NUP107: variants seen among roughly 807,000 people sequenced by gnomAD.
The protein encoded by NUP107 is nucleoporin 107, also known as nuclear pore complex protein Nup107.
A neutral mutation model predicts 141.0 loss-of-function variants in NUP107; 101 were observed. That is an observed-to-expected ratio of 0.72 (90% confidence interval 0.61 to 0.84). The LOEUF (loss-of-function observed/expected upper bound fraction) is 0.84. Ranked by LOEUF, NUP107 falls within the 40% of genes least tolerant of loss-of-function variation. The pLI is 0.00. For synonymous variants in NUP107, 319 were observed against 363.9 expected (o/e 0.88, Z 1.41); for missense variants, 941 against 1,102.7 (o/e 0.85, Z 2.08).
chr12:68,733,502 G>T lies in NUP107; in HGVS notation c.2152G>T (p.Asp718Tyr). The change falls in exon 24 of 28, where the codon GAT becomes TAT. Residue 718 changes from aspartate (D) to tyrosine (Y), a missense_variant. Physicochemically the swap from Asp to Tyr is radical, Grantham distance 160 (BLOSUM62 -3). Coordinates refer to ENST00000229179, the MANE Select transcript of NUP107 (RefSeq NM_020401.4). ...AGAAGTATTTGTGAAAATTCCTCAG[G>T]ATTCTATAGCAGAAATCTATAATCA... The part of the protein sequence containing the change: ...AKEVFVKIPQ[D>Y]SIAEIYNQCE... 1 of 1,611,546 alleles carries T rather than the reference G, an allele frequency of 6.2e-7. No individual in the cohort carries two copies. The highest frequency in any genetic ancestry group is 1.1e-5 in the South Asian group (1 of 90,266).
rs747362346 is a variant in NUP107 at position 68,700,728 on chromosome 12, G to C, written c.555G>C (p.Val185=). The change falls in exon 7 of 28, where the codon GTG becomes GTC. Residue 185 remains valine (V), a splice_region_variant and synonymous_variant. Coordinates refer to ENST00000229179, the MANE Select transcript of NUP107 (RefSeq NM_020401.4). ...EEYENICGSQ[V]NILSKIVSRA... Reference sequence around the variant, plus strand: ...TTACATCTGTGTTTTTTATTCAGGTGAATATACTGAGTAAAATAGTGAGTC... The same window carrying C: ...TTACATCTGTGTTTTTTATTCAGGTCAATATACTGAGTAAAATAGTGAGTC... 3.8e-6 allele frequency: 6 copies of C among 1,596,748 alleles called. No individual in the cohort carries two copies. The highest frequency in any genetic ancestry group is 5.1e-6 in the Non-Finnish European group (6 of 1,175,038).
At chr12:68,693,327 T>G (rs1226530740) in intron 5 of NUP107, among the ~76,000 whole-genome samples, 1 of 152,154 alleles carries the variant, frequency 6.6e-6, no homozygotes, top group African/African-American at 2.4e-5. Context: ...TCCGTCCTCC[T>G]CAGCCTCCCA....
intron 8 of NUP107, among the ~76,000 whole-genome samples, chr12:68,709,025 T>TA (rs1353823994): frequency 6.6e-6 from 1 of 152,182 alleles, no homozygotes; most frequent in African/African-American, 2.4e-5. Flanking sequence ...ATATACCAGG[T>TA]AAGAGCAGCT....
chr12:68,705,906 G>A lies in NUP107; in HGVS notation c.729+3122G>A, dbSNP rs1592500982. Reference sequence around the variant, plus strand: ...ACATCCAAGCTGTGTGCACCCAGGTGAAGGAGCAGATCAAGACCCTCAACA... The same window carrying A: ...ACATCCAAGCTGTGTGCACCCAGGTAAAGGAGCAGATCAAGACCCTCAACA... On this transcript the variant is annotated intron_variant, in intron 8 of 27. Coordinates refer to ENST00000229179, the MANE Select transcript of NUP107 (RefSeq NM_020401.4). 3 of 881,958 alleles carry A rather than the reference G, an allele frequency of 3.4e-6. No individual in the cohort carries two copies. The Admixed American group carries it at 5.1e-5, about 15-fold the overall frequency. The allele number at this position is 881,958 out of a possible 1,614,324, so 54.6% of individuals were successfully genotyped here. A position where few individuals can be genotyped will look rare whatever the true frequency, so the allele number is the denominator to read the frequency against.
At chr12:68,717,914 T>C (rs916709189) in intron 12 of NUP107, among the ~76,000 whole-genome samples, 3 of 152,216 alleles carry the variant, frequency 2.0e-5, no homozygotes, top group Non-Finnish European at 2.9e-5. Context: ...AGGGGTATGA[T>C]ATTCTTTAAC....
intron 8 of NUP107, chr12:68,706,014 GC>G: frequency 1.1e-6 from 1 of 871,234 alleles, no homozygotes; most frequent in Non-Finnish European, 2.0e-6. Context: ...GGCCCCTGCA[GC>G]GGCAGAAGAC....
chr12:68,733,005 T>G (rs112497370), intron 23 of NUP107, among the ~76,000 whole-genome samples: 14 of 152,254 alleles, frequency 9.2e-5, no homozygotes, highest in African/African-American at 3.1e-4. Flanking sequence ...TTTAAAACGT[T>G]TTTGTTCAAA....
chr12:68,741,189 T>C (rs1345159668), intron 26 of NUP107, among the ~76,000 whole-genome samples: 2 of 152,208 alleles, frequency 1.3e-5, no homozygotes, highest in African/African-American at 2.4e-5. Flanking sequence ...GTACTTTTAC[T>C]GTTCACATCG....
At position 68,705,826 on chromosome 12, in the gene NUP107, C is replaced by T. The variant is rs1225614582; in HGVS notation, c.729+3042C>T. Reference sequence around the variant, plus strand: ...GGCCAGTGGTAGGGGAGGCATCACCCCAGTCACGGTCAACCAGAGCCTGCT... The same window carrying T: ...GGCCAGTGGTAGGGGAGGCATCACCTCAGTCACGGTCAACCAGAGCCTGCT... On this transcript the variant is annotated intron_variant, in intron 8 of 27. Transcript: ENST00000229179. The T allele has an allele frequency of 5.2e-6, 4 of 769,588 alleles. No homozygotes were observed. The African/African-American group carries it at 6.8e-5, about 13-fold the overall frequency. The allele number at this position is 769,588 out of a possible 1,614,324, so 47.7% of individuals were successfully genotyped here.
At position 68,688,186 on chromosome 12, in the gene NUP107, G is replaced by T. The variant is rs867077542; in HGVS notation, c.9-776G>T. ...CTATAGACCAGAGAGCTATCTGAAG[G>T]TTTTTTTTTTTGTTTTTAATTTTAA... is the stretch of plus-strand genomic sequence containing the variant. On this transcript the variant is annotated intron_variant, in intron 1 of 27. Transcript: ENST00000229179. 2.5e-3 allele frequency among the ~76,000 whole-genome samples: 369 copies of T among 148,750 alleles called. 2 individuals are homozygous for T. Among genetic ancestry groups the T allele is most frequent in the African/African-American group, 8.8e-3 (360 of 40,716 alleles).
chr12:68,697,341 A>C (rs1876114876), intron 6 of NUP107, among the ~76,000 whole-genome samples: 1 of 152,034 alleles, frequency 6.6e-6, no homozygotes, highest in South Asian at 2.1e-4. Flanking sequence ...GGAGGATTGC[A>C]TGAGCCGCAG....
At chr12:68,719,286 C>T in intron 12 of NUP107, 55 bp from the exon 13 acceptor site, 2 of 1,314,434 alleles carry the variant, frequency 1.5e-6, no homozygotes, top group Non-Finnish European at 1.1e-6. Flanking sequence ...ATTGGTTATA[C>T]TTTACTATAA....
At chr12:68,716,960 C>T (rs539456178) in intron 12 of NUP107, among the ~76,000 whole-genome samples, 8 of 151,928 alleles carry the variant, frequency 5.3e-5, no homozygotes, top group Admixed American at 1.3e-4. Context: ...TGCAGTGGCG[C>T]GATCTCGGCT....
intron 5 of NUP107, 145 bp downstream of exon 5, chr12:68,692,257 A>G: frequency 1.2e-6 from 1 of 826,706 alleles, no homozygotes; most frequent in Non-Finnish European, 1.8e-6. Context: ...TAAACAACAG[A>G]TTTTTGTGTG....
At chr12:68,693,118 C>T (rs1377641574) in intron 5 of NUP107, among the ~76,000 whole-genome samples, 1 of 151,282 alleles carries the variant, frequency 6.6e-6, no homozygotes, top group African/African-American at 2.4e-5. Flanking sequence ...CACTCTGTTG[C>T]CCAGACTGGA....
In NUP107 at chr12:68,735,279, G is replaced by A; in HGVS notation, c.2437G>A (p.Val813Met). The A allele has an allele frequency of 6.2e-7, 1 of 1,614,098 alleles. No homozygotes were observed. The highest frequency in any genetic ancestry group is 2.2e-5 in the East Asian group (1 of 44,858). Residue 813 changes from valine to methionine, a missense_variant, in exon 26 of 28, where the codon GTG becomes ATG. Val to Met is a conservative substitution (Grantham distance 21). Coordinates refer to ENST00000229179, the MANE Select transcript of NUP107 (RefSeq NM_020401.4). The part of the protein sequence containing the change: ...KGHLDALTAD[V>M]KEKMYNVLLF... ...GCATTTGGATGCCCTAACTGCTGAT[G>A]TGAAGGAGAAAATGTATAACGTCTT...
At chr12:68,692,295 C>G (rs1029412931) in intron 5 of NUP107, 183 bp downstream of exon 5, 2 of 581,478 alleles carry the variant, frequency 3.4e-6, no homozygotes, top group African/African-American at 1.9e-5. Flanking sequence ...GAGTCTCACT[C>G]TGTTGCCGGG....
chr12:68,733,271 C>T (rs547447025), intron 23 of NUP107, among the ~76,000 whole-genome samples, 181 bp from the exon 24 acceptor site: 2 of 152,264 alleles, frequency 1.3e-5, no homozygotes, highest in South Asian at 2.1e-4. Flanking sequence ...GATAGTATCA[C>T]ATTGAGATAC....
chr12:68,689,134 G>C lies in NUP107; in HGVS notation c.100+81G>C, dbSNP rs1334603572. On this transcript the variant is annotated intron_variant, in intron 2 of 27. Transcript: ENST00000229179. ...GTTGTAGAATTTTCTTTTTATAAGA[G>C]TATTAAATGGTAGCTATAATAAAAT... 4 of 1,008,646 alleles carry C rather than the reference G, an allele frequency of 4.0e-6. No homozygotes were observed. In the East Asian group the frequency reaches 1.0e-4, roughly 26 times the overall value. 62.5% of individuals were successfully genotyped at this position (1,008,646 alleles called of 1,614,324 possible). A position where few individuals can be genotyped will look rare whatever the true frequency, so the allele number is the denominator to read the frequency against.
Sources: gnomAD v4.1 joint callset for allele counts (sites outside exome capture counted in the v4.1 genomes callset) on GRCh38, gnomAD v4.1.1 for gene constraint, MANE v1.5 for transcripts, NCBI Gene and HGNC (gene_info 2026-07-23, HGNC 2026-07-21) for gene names.